PTH2R: variants seen among roughly 807,000 people sequenced by gnomAD.
PTH2R encodes parathyroid hormone 2 receptor.
A neutral mutation model predicts 60.3 loss-of-function variants in PTH2R; 59 were observed. The ratio of observed to expected loss-of-function variants is 0.98; its 90% CI spans 0.79 to 1.22. The LOEUF (loss-of-function observed/expected upper bound fraction) is 1.22, where lower values mean the gene tolerates loss of function less well. PTH2R is among the 50% of genes most tolerant of loss of function. The pLI is 0.00. For missense variants in PTH2R, 749 were observed against 682.6 expected, an observed-to-expected ratio of 1.10 and a Z score of -1.08; for synonymous variants, 256 against 243.8, an observed-to-expected ratio of 1.05 and a Z score of -0.47.
chr2:208,407,165 G>T, intron 1 of PTH2R, 47 bp downstream of exon 1: 1 of 1,394,432 alleles, frequency 7.2e-7, no homozygotes, highest in South Asian at 1.8e-5. Flanking sequence ...AGCCTCCGGC[G>T]GGGACTCAGC....
intron 1 of PTH2R, among the ~76,000 whole-genome samples, chr2:208,372,986 C>T (rs947025221): frequency 1.3e-5 from 2 of 151,876 alleles, no homozygotes; most frequent in African/African-American, 2.4e-5. Flanking sequence ...CTTGGGAGGC[C>T]GAGGTGGGAG....
chr2:208,483,248 T>C (rs2105907062), intron 10 of PTH2R, among the ~76,000 whole-genome samples: 1 of 152,248 alleles, frequency 6.6e-6, no homozygotes, highest in South Asian at 2.1e-4. Flanking sequence ...TGTGCATGAG[T>C]TTATGGTGAA....
intron 1 of PTH2R, among the ~76,000 whole-genome samples, chr2:208,376,018 C>T (rs1363894599): frequency 2.6e-5 from 4 of 152,284 alleles, no homozygotes; most frequent in South Asian, 2.1e-4. Flanking sequence ...TTCTTTCCCA[C>T]ACACATAATA....
intron 10 of PTH2R, among the ~76,000 whole-genome samples, chr2:208,482,209 T>C (rs1234696518): frequency 6.6e-6 from 1 of 152,150 alleles, no homozygotes; most frequent in Non-Finnish European, 1.5e-5. Flanking sequence ...CTCTCCACCA[T>C]TTAGGTAGTT....
At chr2:208,484,907 G>A (rs1045743466) in intron 10 of PTH2R, among the ~76,000 whole-genome samples, 7 of 152,160 alleles carry the variant, frequency 4.6e-5, no homozygotes, top group South Asian at 4.1e-4. Flanking sequence ...AGCATGGGAT[G>A]TAACAGGAGC....
At chr2:208,432,613 A>G (rs896528069) in intron 2 of PTH2R, among the ~76,000 whole-genome samples, 6 of 152,186 alleles carry the variant, frequency 3.9e-5, no homozygotes, top group African/African-American at 1.4e-4. Context: ...ATGATAGGCC[A>G]TCTGCAAGCT....
At chr2:208,480,519 G>T (rs1441815083) in intron 9 of PTH2R, among the ~76,000 whole-genome samples, 1 of 151,932 alleles carries the variant, frequency 6.6e-6, no homozygotes, top group Non-Finnish European at 1.5e-5. Flanking sequence ...TATCTCTAAT[G>T]GTATTCACAC....
At chr2:208,478,734 G>T (rs1428692099) in intron 9 of PTH2R, among the ~76,000 whole-genome samples, 3 of 151,984 alleles carry the variant, frequency 2.0e-5, no homozygotes, top group Admixed American at 6.6e-5. Flanking sequence ...CTATTTTATG[G>T]ACACCATAGT....
At chr2:208,474,015 C>T (rs971981686) in intron 9 of PTH2R, among the ~76,000 whole-genome samples, 1 of 152,078 alleles carries the variant, frequency 6.6e-6, no homozygotes, top group African/African-American at 2.4e-5. Context: ...TCATACAGGT[C>T]ATTAGCAGAG....
At chr2:208,487,558 G>C (rs1162300294) in intron 10 of PTH2R, among the ~76,000 whole-genome samples, 1 of 152,214 alleles carries the variant, frequency 6.6e-6, no homozygotes, top group East Asian at 1.9e-4. Flanking sequence ...GCTTGAGGGT[G>C]CTAGCTATCT....
intron 1 of PTH2R, among the ~76,000 whole-genome samples, chr2:208,420,200 G>T (rs923528619): frequency 1.3e-5 from 2 of 151,832 alleles, no homozygotes; most frequent in Non-Finnish European, 2.9e-5. Context: ...ACGAGTTAAT[G>T]GGTGCAGCAC....
chr2:208,405,321 C>T (rs952739025), upstream of PTH2R, among the ~76,000 whole-genome samples: 7 of 151,940 alleles, frequency 4.6e-5, no homozygotes, highest in East Asian at 1.9e-4. Context: ...ATTCCTTTCT[C>T]GCATAAAAGC....
At chr2:208,488,982 T>C (rs375191373) in intron 10 of PTH2R, 30 bp from the exon 11 acceptor site, 90 of 1,611,894 alleles carry the variant, frequency 5.6e-5, no homozygotes, top group African/African-American at 6.7e-5. Flanking sequence ...CTCTAGTTAA[T>C]GAATGAAAAG....
intron 4 of PTH2R, among the ~76,000 whole-genome samples, chr2:208,441,858 G>A (rs1425091601): frequency 2.6e-5 from 4 of 152,176 alleles, no homozygotes; most frequent in African/African-American, 4.8e-5. Flanking sequence ...TAAGATGTAA[G>A]CTTTGGAGAA....
At chr2:208,428,905 T>C (rs1701913843) in intron 2 of PTH2R, among the ~76,000 whole-genome samples, 1 of 152,024 alleles carries the variant, frequency 6.6e-6, no homozygotes, top group Non-Finnish European at 1.5e-5. Flanking sequence ...GCCAACATGG[T>C]GAAACCCTAT....
At chr2:208,367,651 T>G (rs1172665798) in intron 1 of PTH2R, among the ~76,000 whole-genome samples, 1 of 152,178 alleles carries the variant, frequency 6.6e-6, no homozygotes, top group Non-Finnish European at 1.5e-5. Context: ...ATTACAGGCA[T>G]GAGCCACTGT....
At chr2:208,405,398 C>G (rs1236919147), upstream of PTH2R, among the ~76,000 whole-genome samples, 1 of 152,126 alleles carries the variant, frequency 6.6e-6, no homozygotes, top group Non-Finnish European at 1.5e-5. Flanking sequence ...ACCCTCCGCA[C>G]TGATCAAGAT....
chr2:208,375,223 A>G (rs1700772262), intron 1 of PTH2R, among the ~76,000 whole-genome samples: 1 of 152,102 alleles, frequency 6.6e-6, no homozygotes, highest in Admixed American at 6.5e-5. Flanking sequence ...TCTTTTTAAC[A>G]TGTAAACTTG....
chr2:208,481,009 A>C, intron 9 of PTH2R, 61 bp from the exon 10 acceptor site: 2 of 1,234,916 alleles, frequency 1.6e-6, no homozygotes, highest in South Asian at 2.7e-5. Context: ...AATTTATGTA[A>C]ATGTTTATAA....
Sources: allele counts gnomAD v4.1 joint callset (sites outside exome capture counted in the v4.1 genomes callset), GRCh38; gene constraint gnomAD v4.1.1; transcripts MANE v1.5; gene names NCBI Gene and HGNC (gene_info 2026-07-23, HGNC 2026-07-21).